WDPCP: variants seen among roughly 807,000 people sequenced by gnomAD.
WDPCP encodes the protein WD repeat containing planar cell polarity effector.
A neutral mutation model predicts 93.1 loss-of-function variants in WDPCP; 71 were observed. The observed-to-expected ratio is 0.76, with a 90% CI of 0.63 to 0.93. The LOEUF (loss-of-function observed/expected upper bound fraction) is 0.93, where lower values mean the gene tolerates loss of function less well. Among genes scored for constraint, WDPCP ranks in the 40% least tolerant of loss-of-function variants. WDPCP has a pLI of 0.00. For missense variants in WDPCP, 844 were observed against 887.4 expected (o/e 0.95, Z 0.62); for synonymous variants, 315 against 315.0 (o/e 1.00, Z 0.00).
intron 1 of WDPCP, among the ~76,000 whole-genome samples, chr2:63,530,867 G>A (rs1703779090): frequency 1.2e-5 from 1 of 84,876 alleles, no homozygotes; most frequent in Middle Eastern, 5.4e-3. Context: ...AGCCCACACA[G>A]TGTGAGCCAA....
At chr2:63,406,129 T>C (rs1694564947) in intron 9 of WDPCP, among the ~76,000 whole-genome samples, 1 of 151,836 alleles carries the variant, frequency 6.6e-6, no homozygotes, top group Admixed American at 6.6e-5. Context: ...TGTGGCAGAG[T>C]GCTGGATTGG....
Position 63,415,625 on chromosome 2 carries a change from A to G in WDPCP, c.826-10968T>C, listed in dbSNP as rs545218600. 2.0e-5 allele frequency among the ~76,000 whole-genome samples: 3 copies of G among 152,336 alleles called. No individual in the cohort carries two copies. The South Asian group carries it at 6.2e-4, about 32-fold the overall frequency. ...TTTGAATCCAGGTCTGTCTGACTCT[A>G]AAAACTAAGATCTCTGCAAGACATG... On this transcript the variant is annotated intron_variant, in intron 9 of 17. Coordinates refer to ENST00000272321, the MANE Select transcript of WDPCP (RefSeq NM_015910.7).
intron 1 of WDPCP, among the ~76,000 whole-genome samples, chr2:63,522,611 C>T (rs1352634916): frequency 2.0e-5 from 3 of 152,022 alleles, no homozygotes; most frequent in Non-Finnish European, 4.4e-5. Flanking sequence ...TAAACACAAT[C>T]ACGAATGACA....
intron 7 of WDPCP, chr2:63,437,992 T>C (rs1206759272): frequency 7.5e-7 from 1 of 1,325,022 alleles, no homozygotes. Flanking sequence ...TACCAGTCTA[T>C]TTATTTAAAA....
intron 12 of WDPCP, among the ~76,000 whole-genome samples, chr2:63,337,958 C>T (rs1263025577): frequency 6.6e-6 from 1 of 152,058 alleles, no homozygotes; most frequent in Non-Finnish European, 1.5e-5. Context: ...TGGCTCTTCA[C>T]TTTGTTGATC....
intron 3 of WDPCP, among the ~76,000 whole-genome samples, chr2:63,638,214 G>A (rs768193186): frequency 1.3e-5 from 2 of 152,054 alleles, no homozygotes; most frequent in African/African-American, 4.8e-5. Flanking sequence ...ACAATTTGAG[G>A]TTCTAATGTA....
At chr2:63,228,763 C>A (rs1678549707) in intron 14 of WDPCP, 1 of 152,096 alleles carries the variant, frequency 6.6e-6, no homozygotes, top group African/African-American at 2.4e-5. Flanking sequence ...GACATGAACT[C>A]ATCCTTTTTT....
intron 13 of WDPCP, among the ~76,000 whole-genome samples, chr2:63,264,555 T>TAAAC (rs1681941452): frequency 6.6e-6 from 1 of 152,174 alleles, no homozygotes; most frequent in South Asian, 2.1e-4. Context: ...ATATTTGCAT[T>TAAAC]AAACATTGGA....
chr2:63,823,307 A>G (rs1671052773), intron 1 of WDPCP, among the ~76,000 whole-genome samples: 1 of 152,046 alleles, frequency 6.6e-6, no homozygotes, highest in African/African-American at 2.4e-5. Context: ...GGAGTTCAAG[A>G]CCAGCCTGGT....
intron 13 of WDPCP, among the ~76,000 whole-genome samples, chr2:63,304,257 T>C (rs759534918): frequency 2.6e-5 from 4 of 152,146 alleles, no homozygotes; most frequent in African/African-American, 7.2e-5. Flanking sequence ...CAATGGTTGA[T>C]TGTATAAAGA....
intron 14 of WDPCP, among the ~76,000 whole-genome samples, chr2:63,177,617 G>GTT (rs150275842): frequency 0.02 from 3,023 of 152,198 alleles, 110 homozygotes; most frequent in African/African-American, 0.069. Context: ...TTATTCTAAA[G>GTT]TTTAAATGGG....
intron 10 of WDPCP, among the ~76,000 whole-genome samples, chr2:63,396,145 A>T (rs900597733): frequency 1.3e-5 from 2 of 152,206 alleles, no homozygotes; most frequent in African/African-American, 4.8e-5. Context: ...GTCTAGAATA[A>T]AAGTTCATTT....
At chr2:63,497,236 G>T (rs187777317) in intron 1 of WDPCP, among the ~76,000 whole-genome samples, 4 of 152,142 alleles carry the variant, frequency 2.6e-5, no homozygotes, top group African/African-American at 9.6e-5. Flanking sequence ...AGCAAAAGCA[G>T]ACATGGGTGG....
chr2:63,263,973 T>TGAA lies in WDPCP; in HGVS notation c.1813-4567_1813-4565dup, dbSNP rs139102566. 9.9e-3 allele frequency among the ~76,000 whole-genome samples: 1,509 copies of TGAA among 152,346 alleles called. 25 individuals are homozygous for TGAA. Among genetic ancestry groups the TGAA allele is most frequent in the East Asian group, 0.048 (248 of 5,184 alleles). On this transcript the variant is annotated intron_variant, in intron 13 of 17. Coordinates refer to ENST00000272321, the MANE Select transcript of WDPCP (RefSeq NM_015910.7). Reference sequence around the variant, plus strand: ...AGAGATGAATTTTCCATGAAGCTAATGAAGCTTAAGCTTCATTTCCACTTA... The same window carrying TGAA: ...AGAGATGAATTTTCCATGAAGCTAATGAAGAAGCTTAAGCTTCATTTCCACTTA...
chr2:63,594,183 G>A (rs1709257893), intron 3 of WDPCP: 1 of 508,814 alleles, frequency 2.0e-6, no homozygotes, highest in Admixed American at 2.1e-5. Flanking sequence ...GCCAGGGTTT[G>A]GATCACCACA....
intron 12 of WDPCP, among the ~76,000 whole-genome samples, chr2:63,314,963 C>T (rs1686520706): frequency 6.6e-6 from 1 of 152,038 alleles, no homozygotes; most frequent in Non-Finnish European, 1.5e-5. Flanking sequence ...TAATGATAGA[C>T]AGTAGATGGT....
At chr2:63,445,190 C>A (rs1341619954) in intron 6 of WDPCP, among the ~76,000 whole-genome samples, 1 of 150,296 alleles carries the variant, frequency 6.7e-6, no homozygotes, top group African/African-American at 2.4e-5. Context: ...TGTCAGGAAA[C>A]AAAAGTAAAT....
rs752646469 is a variant in WDPCP, at chr2:63,642,184, C to T, written n.488+8475G>A. Among the ~76,000 whole-genome samples, 68 of 151,970 alleles carry T rather than the reference C, an allele frequency of 4.5e-4. 1 individual carries two copies. The highest frequency in any genetic ancestry group is 2.2e-4 in the African/African-American group (9 of 41,370). ...TCCCGTGCTGTTTTGTTTACTATAG[C>T]GCTGTAGTATAATTTTTTTTCTTAC... On this transcript the variant is annotated intron_variant and non_coding_transcript_variant, in intron 3 of 4. Transcript: ENST00000467687.
At chr2:63,320,302 AACTAC>A (rs1200598396) in intron 12 of WDPCP, among the ~76,000 whole-genome samples, 2 of 152,216 alleles carry the variant, frequency 1.3e-5, no homozygotes, top group Admixed American at 6.5e-5. Context: ...TCACAAGTAG[AACTAC>A]ACCGTAAGAA....
Sources: allele counts gnomAD v4.1 joint callset (sites outside exome capture counted in the v4.1 genomes callset), GRCh38; gene constraint gnomAD v4.1.1; transcripts MANE v1.5; gene names NCBI Gene and HGNC (gene_info 2026-07-23, HGNC 2026-07-21).